Variants in CEP44 observed in about 807,000 individuals in gnomAD.
CEP44 encodes the protein centrosomal protein of 44 kDa.
CEP44 carries 45 observed loss-of-function variants against 46.7 expected under a neutral mutation model. The observed-to-expected ratio is 0.96, with a 90% confidence interval of 0.76 to 1.24. The LOEUF (loss-of-function observed/expected upper bound fraction) is 1.24, where lower values mean the gene tolerates loss of function less well. CEP44 is among the 50% of genes most tolerant of loss of function. The pLI is 0.00. For missense variants in CEP44, 475 were observed against 459.7 expected (o/e 1.03, Z -0.30); for synonymous variants, 142 against 146.0 (o/e 0.97, Z 0.20).
At position 174,327,308 on chromosome 4, in the gene CEP44, TAAAG is replaced by T. The variant is rs556271294; in HGVS notation, c.1087-4170_1087-4167del. Among the ~76,000 whole-genome samples the T allele has an allele frequency of 2.5e-3, 385 of 151,510 alleles. 1 individual carries two copies. The highest frequency in any genetic ancestry group is 8.8e-3 in the African/African-American group (363 of 41,416). On this transcript the variant is annotated intron_variant, in intron 8 of 8. Coordinates refer to the CEP44 transcript ENST00000426172. ...CTTATATAAATTAAAAACAAAATAT[TAAAG>T]AAAACCTAAATAAATGGGTAGACAT...
chr4:174,331,331 T>G lies in CEP44; in HGVS notation c.1087-151T>G, dbSNP rs554263168. The G allele has an allele frequency of 4.5e-6, 3 of 670,972 alleles. No homozygotes were observed. In the South Asian group the frequency reaches 1.2e-4, roughly 27 times the overall value. 41.6% of individuals were successfully genotyped at this position (670,972 alleles called of 1,614,324 possible). The stretch of plus-strand genomic sequence containing the variant: ...ATGATTGTCATTTCTCTTTGTTTGC[T>G]TGGTCTTCTTTAGGCATTATTTTCA... On this transcript the variant is annotated intron_variant, in intron 8 of 8. Transcript: ENST00000426172. The surrounding 1 kb of genome is among the most constrained non-coding windows in gnomAD (Gnocchi z 4.5).
chr4:174,299,256 T>A (rs775438472), intron 3 of CEP44, 46 bp downstream of exon 3: 2 of 1,484,362 alleles, frequency 1.3e-6, no homozygotes, highest in Admixed American at 3.8e-5. Flanking sequence ...TGCTAGTGAT[T>A]TGAGATGATA....
rs1738022830 is a variant in CEP44, at chr4:174,290,121, T to C, written c.-148+6178T>C. Among the ~76,000 whole-genome samples, 1 of 152,188 alleles carries C rather than the reference T, an allele frequency of 6.6e-6. No individual in the cohort carries two copies. Among genetic ancestry groups the C allele is most frequent in the South Asian group, 2.1e-4 (1 of 4,836 alleles). On this transcript the variant is annotated intron_variant, in intron 1 of 11. Transcript: ENST00000503780. This position sits in a 1 kb window ranked among gnomAD's most constrained non-coding sequence, Gnocchi z 4.3. The stretch of plus-strand genomic sequence containing the variant: ...CGCCTGCCTCAGCCCCCAAAAGTGC[T>C]AGGATTATAGGCGTGAGCCACTGTG...
At chr4:174,294,893 G>A (rs1390636860) in intron 1 of CEP44, among the ~76,000 whole-genome samples, 15 of 141,310 alleles carry the variant, frequency 1.1e-4, no homozygotes, top group African/African-American at 1.8e-4. Context: ...GCGGCTGGCC[G>A]GGCAGATGGG....
At position 174,290,830 on chromosome 4, in the gene CEP44, T is replaced by G. The variant is rs946138707; in HGVS notation, c.-148+6887T>G. On this transcript the variant is annotated intron_variant, in intron 1 of 11. Transcript: ENST00000503780. The surrounding 1 kb of genome is among the most constrained non-coding windows in gnomAD (Gnocchi z 4.3). ...CACTGTATATTTTAAGGTGCTTTGA[T>G]GTTGGGTGCATATGTATTTTTAGTT... is the stretch of plus-strand genomic sequence containing the variant. Among the ~76,000 whole-genome samples, 2 of 152,242 alleles carry G rather than the reference T, an allele frequency of 1.3e-5. No homozygotes were observed. The highest frequency in any genetic ancestry group is 2.1e-4 in the South Asian group (1 of 4,838).
chr4:174,292,516 T>C (rs1738354137), intron 1 of CEP44, among the ~76,000 whole-genome samples: 1 of 152,236 alleles, frequency 6.6e-6, no homozygotes, highest in South Asian at 2.1e-4. Flanking sequence ...TACTTAGTGG[T>C]GTACCATAAG....
chr4:174,320,741 C>T (rs1030187961), downstream of CEP44, among the ~76,000 whole-genome samples: 12 of 119,044 alleles, frequency 1.0e-4, no homozygotes, highest in African/African-American at 3.4e-4. Flanking sequence ...TTGACACAGG[C>T]CCAAGGGGCA....
chr4:174,328,512 G>T (rs111883545), intron 8 of CEP44, among the ~76,000 whole-genome samples: 1 of 152,132 alleles, frequency 6.6e-6, no homozygotes, highest in Non-Finnish European at 1.5e-5. Context: ...CCAATATCTC[G>T]AACAGTGCAA....
rs891862312 is a variant in CEP44 at position 174,301,882 on chromosome 4, G to A, written c.90-157G>A. ...GCTAGACTGGTTTCAAATGGGGAAT[G>A]GAATCTAGAAAGTCTCATGTATCAC... is the stretch of plus-strand genomic sequence containing the variant. On this transcript the variant is annotated intron_variant, in intron 3 of 11. Transcript: ENST00000503780. This position sits in a 1 kb window ranked among gnomAD's most constrained non-coding sequence, Gnocchi z 4.3. Among the ~76,000 whole-genome samples, 4 of 152,012 alleles carry A rather than the reference G, an allele frequency of 2.6e-5. No individual in the cohort carries two copies. Among genetic ancestry groups the A allele is most frequent in the Non-Finnish European group, 2.9e-5 (2 of 67,964 alleles).
chr4:174,287,365 G>A lies in CEP44; in HGVS notation c.-148+3422G>A, dbSNP rs1219026603. 2.0e-5 allele frequency among the ~76,000 whole-genome samples: 3 copies of A among 152,132 alleles called. No individual in the cohort carries two copies. The highest frequency in any genetic ancestry group is 7.2e-5 in the African/African-American group (3 of 41,428). Reference sequence around the variant, plus strand: ...TAATGAGGGGGATTAATTAGTTTGGGATCTAAGACTTATTTGAGGTGGTGA... The same window carrying A: ...TAATGAGGGGGATTAATTAGTTTGGAATCTAAGACTTATTTGAGGTGGTGA... On this transcript the variant is annotated intron_variant, in intron 1 of 11. Transcript: ENST00000503780. This position sits in a 1 kb window ranked among gnomAD's most constrained non-coding sequence, Gnocchi z 5.1.
At chr4:174,298,935 T>A in intron 2 of CEP44, 137 bp from the exon 3 acceptor site, 1 of 541,592 alleles carries the variant, frequency 1.8e-6, no homozygotes. Flanking sequence ...ACTTGAGTAG[T>A]AGAGAAGAAG....
At chr4:174,299,025 C>CA in intron 2 of CEP44, 47 bp from the exon 3 acceptor site, 1 of 1,081,750 alleles carries the variant, frequency 9.2e-7, no homozygotes, top group Non-Finnish European at 1.3e-6. Flanking sequence ...CAAGAAGCTT[C>CA]AAAAATACAG....
downstream of CEP44, among the ~76,000 whole-genome samples, chr4:174,323,924 C>G (rs916332022): frequency 6.6e-6 from 1 of 152,188 alleles, no homozygotes; most frequent in East Asian, 1.9e-4. Context: ...GAGATGTTAT[C>G]TATAAGGAAA....
chr4:174,326,547 AT>A lies in CEP44; in HGVS notation c.1087-4929del, dbSNP rs1742682692. Among the ~76,000 whole-genome samples, 1 of 152,008 alleles carries A rather than the reference AT, an allele frequency of 6.6e-6. No homozygotes were observed. Among genetic ancestry groups the A allele is most frequent in the African/African-American group, 2.4e-5 (1 of 41,428 alleles). Reference sequence around the variant, plus strand: ...ATTATCTTTTTAAAAGGTTTAAATAATTTTTTAAAAGTCTTTTATATGTGCC... The same window carrying A: ...ATTATCTTTTTAAAAGGTTTAAATAATTTTTAAAAGTCTTTTATATGTGCC... On this transcript the variant is annotated intron_variant, in intron 8 of 8. Transcript: ENST00000426172. This position sits in a 1 kb window ranked among gnomAD's most constrained non-coding sequence, Gnocchi z 4.8.
At chr4:174,316,381 CA>C in intron 10 of CEP44, 91 bp downstream of exon 10, 3 of 1,421,118 alleles carry the variant, frequency 2.1e-6, no homozygotes, top group Non-Finnish European at 3.0e-6. Context: ...AGAAAAATAG[CA>C]AACGCGAATC....
chr4:174,300,470 T>A (rs770952851), intron 3 of CEP44, among the ~76,000 whole-genome samples: 7 of 152,148 alleles, frequency 4.6e-5, no homozygotes, highest in Admixed American at 1.3e-4. Flanking sequence ...TGTCAACATT[T>A]TAAAAGACAT....
chr4:174,299,179 C>CTAAA lies in CEP44; in HGVS notation c.60_63dup (p.Tyr22LysfsTer4). 6.2e-7 allele frequency: 1 copy of CTAAA among 1,613,574 alleles called. No homozygotes were observed. Among genetic ancestry groups the CTAAA allele is most frequent in the Non-Finnish European group, 8.5e-7 (1 of 1,179,624 alleles). ...GAACCTAGAACAGGTGCTCCGCTTG[C>CTAAA]TAAATTATCCTGAAGAGGTGGACTG... On this transcript the variant is annotated frameshift_variant, in exon 3 of 12. Transcript: ENST00000503780. LOFTEE classifies it high-confidence loss of function.
intron 6 of CEP44, among the ~76,000 whole-genome samples, chr4:174,305,103 T>C (rs1048339851): frequency 6.6e-6 from 1 of 152,146 alleles, no homozygotes; most frequent in Admixed American, 6.5e-5. Flanking sequence ...TAATCTAGAG[T>C]ATTATTTCTG....
rs1579061445 is a variant in CEP44 at position 174,288,977 on chromosome 4, C to T, written c.-148+5034C>T. Among the ~76,000 whole-genome samples the T allele has an allele frequency of 6.6e-6, 1 of 152,086 alleles. No homozygotes were observed. Among genetic ancestry groups the T allele is most frequent in the South Asian group, 2.1e-4 (1 of 4,832 alleles). Reference sequence around the variant, plus strand: ...GGGAGTTTTTATCACAAAAGAGTATCGAATTTTGTCAAGTGCTTTTTCTGC... The same window carrying T: ...GGGAGTTTTTATCACAAAAGAGTATTGAATTTTGTCAAGTGCTTTTTCTGC... On this transcript the variant is annotated intron_variant, in intron 1 of 11. Transcript: ENST00000503780. This position sits in a 1 kb window ranked among gnomAD's most constrained non-coding sequence, Gnocchi z 4.6.
Sources: allele counts gnomAD v4.1 joint callset (sites outside exome capture counted in the v4.1 genomes callset), GRCh38; gene constraint gnomAD v4.1.1; non-coding constraint Gnocchi (gnomAD v3.1); transcripts MANE v1.5; gene names NCBI Gene and HGNC (gene_info 2026-07-23, HGNC 2026-07-21).